The following WDHD1 variants were observed in gnomAD, a reference collection of about 807,000 sequenced individuals.
WDHD1 encodes the protein WD repeat and HMG-box DNA-binding protein 1.
A neutral mutation model predicts 135.4 loss-of-function variants in WDHD1; 111 were observed. That is an observed-to-expected ratio of 0.82 (90% CI 0.70 to 0.96). The LOEUF (loss-of-function observed/expected upper bound fraction) is 0.96, where lower values mean the gene tolerates loss of function less well. WDHD1 is among the 40% of genes least tolerant of loss of function. The pLI is 0.00. For missense variants in WDHD1, 1,351 were observed against 1,336.3 expected, an observed-to-expected ratio of 1.01 and a Z score of -0.17; for synonymous variants, 434 against 439.0, an observed-to-expected ratio of 0.99 and a Z score of 0.14.
chr14:54,944,210 G>A (rs1342651324), intron 25 of WDHD1, 122 bp downstream of exon 25: 4 of 1,267,586 alleles, frequency 3.2e-6, no homozygotes, highest in South Asian at 2.8e-5. Context: ...GATCCGCCTC[G>A]ACCTCCCAAT....
intron 16 of WDHD1, among the ~76,000 whole-genome samples, chr14:54,980,912 C>T (rs1268727972): frequency 6.6e-6 from 1 of 151,730 alleles, no homozygotes; most frequent in East Asian, 1.9e-4. Flanking sequence ...AGATTGAAAC[C>T]ATCCTGGCTA....
intron 21 of WDHD1, among the ~76,000 whole-genome samples, chr14:54,958,776 T>C (rs79377719): frequency 6.6e-6 from 1 of 152,210 alleles, no homozygotes; most frequent in Non-Finnish European, 1.5e-5. Flanking sequence ...TGCTCAAATG[T>C]TGGAGATTCC....
chr14:54,978,570 G>C (rs745683224), intron 16 of WDHD1, among the ~76,000 whole-genome samples: 1 of 151,214 alleles, frequency 6.6e-6, no homozygotes, highest in Non-Finnish European at 1.5e-5. Flanking sequence ...GGGCAAATGA[G>C]TGATACCCTG....
intron 16 of WDHD1, among the ~76,000 whole-genome samples, chr14:54,979,454 C>A (rs1279154097): frequency 6.6e-6 from 1 of 152,182 alleles, no homozygotes; most frequent in Non-Finnish European, 1.5e-5. Flanking sequence ...CCTCGCCTGG[C>A]CCAATAGTCA....
intron 3 of WDHD1, among the ~76,000 whole-genome samples, chr14:55,011,552 T>C (rs982271904): frequency 1.2e-5 from 1 of 85,466 alleles, no homozygotes; most frequent in African/African-American, 4.2e-5. Flanking sequence ...AAAAAAAAAG[T>C]ATCCTGAGCA....
In WDHD1 at chr14:54,940,302, G is replaced by T. The variant is rs2040820369; in HGVS notation, c.*1188C>A. 6.6e-6 allele frequency: 1 copy of T among 152,138 alleles called. No homozygotes were observed. The highest frequency in any genetic ancestry group is 6.6e-5 in the Admixed American group (1 of 15,266). The allele number at this position is 152,138 out of a possible 1,614,324, so 9.4% of individuals were successfully genotyped here. On this transcript the variant is annotated 3_prime_UTR_variant, in exon 26 of 26. Coordinates refer to ENST00000360586, the MANE Select transcript of WDHD1 (RefSeq NM_007086.4). ...CCTAGGTAATCTGGCTTTGGAATCT[G>T]TGCTCATAACCACTGTGCTATAATG... is the stretch of plus-strand genomic sequence containing the variant.
At chr14:54,986,167 C>G (rs1364235987) in intron 14 of WDHD1, among the ~76,000 whole-genome samples, 2 of 151,892 alleles carry the variant, frequency 1.3e-5, no homozygotes, top group African/African-American at 4.8e-5. Context: ...ATATTTTGAC[C>G]TAAGAGTCAT....
At chr14:54,982,731 A>C (rs565747622) in intron 15 of WDHD1, among the ~76,000 whole-genome samples, 12 of 152,364 alleles carry the variant, frequency 7.9e-5, no homozygotes, top group South Asian at 4.1e-4. Flanking sequence ...AGCCTGAATG[A>C]CTAATAGAAA....
chr14:54,944,423 A>T lies in WDHD1; in HGVS notation c.3098T>A (p.Ile1033Asn), dbSNP rs1448518695. 1.9e-6 allele frequency: 3 copies of T among 1,607,370 alleles called. No homozygotes were observed. Among genetic ancestry groups the T allele is most frequent in the Non-Finnish European group, 1.7e-6 (2 of 1,178,784 alleles). The change falls in exon 25 of 26, where the codon ATT (isoleucine) becomes AAT (asparagine). Residue 1033 changes from isoleucine (I) to asparagine (N), a missense_variant. Physicochemically the swap from Ile to Asn is moderately radical, Grantham distance 149. Transcript: ENST00000360586. ...QMWLEENRSN[I>N]LSDNPDFSDE... Reference sequence around the variant, plus strand: ...TGAAAAGTCAGGATTGTCAGACAAAATATTACTTCTATTTTCTTCTAACCA... The same window carrying T: ...TGAAAAGTCAGGATTGTCAGACAAATTATTACTTCTATTTTCTTCTAACCA...
chr14:54,999,089 T>C (rs1485440604), intron 10 of WDHD1, among the ~76,000 whole-genome samples: 1 of 152,194 alleles, frequency 6.6e-6, no homozygotes, highest in Non-Finnish European at 1.5e-5. Flanking sequence ...CTTAGACAAA[T>C]TCCCCAAAGA....
chr14:55,021,082 T>A (rs961056411), intron 2 of WDHD1, among the ~76,000 whole-genome samples: 2 of 152,150 alleles, frequency 1.3e-5, no homozygotes, highest in African/African-American at 4.8e-5. Context: ...GCATACTTGG[T>A]GTGACCTTAT....
chr14:54,944,555 A>G (rs894572026), intron 24 of WDHD1, 85 bp from the exon 25 acceptor site: 11 of 1,285,052 alleles, frequency 8.6e-6, no homozygotes, highest in Admixed American at 5.8e-5. Context: ...ATCAACCATA[A>G]GTCTCTGACA....
At chr14:55,011,807 C>G (rs1378538549) in intron 3 of WDHD1, among the ~76,000 whole-genome samples, 1 of 151,780 alleles carries the variant, frequency 6.6e-6, no homozygotes, top group Non-Finnish European at 1.5e-5. Context: ...TTTATAATGG[C>G]TGCATAGTAT....
intron 24 of WDHD1, among the ~76,000 whole-genome samples, chr14:54,949,143 C>G (rs891304641): frequency 1.3e-5 from 2 of 152,190 alleles, no homozygotes; most frequent in Admixed American, 6.5e-5. Flanking sequence ...CGGAACAAAG[C>G]TGGACGGAGA....
At chr14:54,994,852 G>T (rs1175999776) in intron 11 of WDHD1, among the ~76,000 whole-genome samples, 1 of 152,102 alleles carries the variant, frequency 6.6e-6, no homozygotes, top group African/African-American at 2.4e-5. Context: ...GTGGCTAGTG[G>T]CTACTATATA....
chr14:54,956,370 G>C (rs2041159097), intron 23 of WDHD1, among the ~76,000 whole-genome samples: 1 of 152,136 alleles, frequency 6.6e-6, no homozygotes, highest in Admixed American at 6.6e-5. Flanking sequence ...GGGTGCGGTG[G>C]CTCATGCCTG....
intron 25 of WDHD1, 44 bp downstream of exon 25, chr14:54,944,288 C>T (rs781548764): frequency 5.0e-6 from 8 of 1,594,818 alleles, no homozygotes; most frequent in Non-Finnish European, 6.8e-6. Flanking sequence ...TTTTTTAAAT[C>T]TGGGAATTCA....
chr14:54,942,872 C>A lies in WDHD1; in HGVS notation c.3190-1182G>T, dbSNP rs1343563069. ...GATTACATTTTTAAGTATTCAAAAA[C>A]ACAATCACAGACTTTGCCAAGTCTC... is the stretch of plus-strand genomic sequence containing the variant. On this transcript the variant is annotated intron_variant, in intron 25 of 25. Transcript: ENST00000360586. 1.3e-5 allele frequency among the ~76,000 whole-genome samples: 2 copies of A among 152,160 alleles called. 1 individual carries two copies. The highest frequency in any genetic ancestry group is 2.9e-5 in the Non-Finnish European group (2 of 68,026).
chr14:54,987,025 A>T, intron 14 of WDHD1, 121 bp downstream of exon 14: 2 of 1,175,982 alleles, frequency 1.7e-6, no homozygotes, highest in South Asian at 1.6e-5. Context: ...ATCTACATTT[A>T]AAGATTACAC....
Sources: allele counts gnomAD v4.1 joint callset (sites outside exome capture counted in the v4.1 genomes callset), GRCh38; gene constraint gnomAD v4.1.1; transcripts MANE v1.5; gene names NCBI Gene and HGNC (gene_info 2026-07-23, HGNC 2026-07-21).